GLIS3: variants seen among roughly 807,000 people sequenced by gnomAD.
The protein encoded by GLIS3 is GLIS family zinc finger 3, also known as zinc finger protein GLIS3.
In GLIS3, 53 loss-of-function variants were observed where a neutral mutation model predicts 78.6. The observed-to-expected ratio is 0.67, with a 90% CI of 0.54 to 0.85. The LOEUF (loss-of-function observed/expected upper bound fraction) is 0.85. Ranked by LOEUF, GLIS3 falls within the 40% of genes least tolerant of loss-of-function variation. GLIS3 has a pLI of 0.00. For synonymous variants in GLIS3, 684 were observed against 509.9 expected (o/e 1.34, Z -4.60); for missense variants, 1,703 against 1,231.1 (o/e 1.38, Z -5.74).
chr9:4,171,732 A>C (rs1441476611), intron 2 of GLIS3, among the ~76,000 whole-genome samples: 1 of 152,190 alleles, frequency 6.6e-6, no homozygotes, highest in Non-Finnish European at 1.5e-5. Flanking sequence ...GATATGGATT[A>C]AGCTTAGAAC....
chr9:4,358,802 G>GGT, the GLIS3 span, among the ~76,000 whole-genome samples: 1 of 152,220 alleles, frequency 6.6e-6, no homozygotes, highest in Non-Finnish European at 1.5e-5. Context: ...TATATGGTAA[G>GGT]CAGATGAGGT....
intron 4 of GLIS3, among the ~76,000 whole-genome samples, chr9:4,028,023 C>T (rs994263038): frequency 2.0e-5 from 3 of 152,178 alleles, no homozygotes; most frequent in South Asian, 2.1e-4. Context: ...ACCAGCGCAA[C>T]CCGGATCCAC....
chr9:3,938,682 T>A lies in GLIS3; in HGVS notation c.1711-1493A>T, dbSNP rs1334992866. On this transcript the variant is annotated intron_variant, in intron 4 of 10. Coordinates refer to ENST00000381971, the MANE Select transcript of GLIS3 (RefSeq NM_001042413.2). ...CAGACATATGTTGGTTTATTTCAAT[T>A]TTGATATTTTGCTTAAAATAATTTT... Among the ~76,000 whole-genome samples the A allele has an allele frequency of 9.2e-5, 14 of 152,210 alleles. No individual in the cohort carries two copies. In the South Asian group the frequency reaches 2.9e-3, roughly 32 times the overall value.
intron 4 of GLIS3, among the ~76,000 whole-genome samples, chr9:4,041,536 T>G (rs1277076720): frequency 6.6e-6 from 1 of 152,236 alleles, no homozygotes; most frequent in Non-Finnish European, 1.5e-5. Context: ...TTAGTGTGTG[T>G]GTGTCTCTGT....
intron 2 of GLIS3, among the ~76,000 whole-genome samples, chr9:4,135,488 T>C (rs377434562): frequency 1.1e-4 from 17 of 152,300 alleles, no homozygotes; most frequent in African/African-American, 4.1e-4. Flanking sequence ...CATCGAACTA[T>C]GACTGTTTTG....
intron 2 of GLIS3, among the ~76,000 whole-genome samples, chr9:4,277,108 C>T (rs1025550405): frequency 6.6e-6 from 1 of 152,170 alleles, no homozygotes; most frequent in African/African-American, 2.4e-5. Context: ...TTGCGGGACC[C>T]CAATCTCCAC....
intron 8 of GLIS3, among the ~76,000 whole-genome samples, chr9:3,859,125 C>A (rs968310339): frequency 2.0e-5 from 3 of 152,132 alleles, no homozygotes; most frequent in Non-Finnish European, 2.9e-5. Flanking sequence ...TAATGGACAA[C>A]TCTTCTCTCA....
chr9:4,141,520 C>T (rs570878123), intron 2 of GLIS3, among the ~76,000 whole-genome samples: 1 of 152,272 alleles, frequency 6.6e-6, no homozygotes, highest in South Asian at 2.1e-4. Context: ...CTACAAACAC[C>T]CTGGGATTCT....
chr9:3,941,815 C>T (rs192371029), intron 4 of GLIS3, among the ~76,000 whole-genome samples: 2 of 152,074 alleles, frequency 1.3e-5, no homozygotes, highest in African/African-American at 4.8e-5. Flanking sequence ...TATTGCAAAC[C>T]TAAAGAATCT....
intron 4 of GLIS3, among the ~76,000 whole-genome samples, chr9:4,002,295 C>G (rs537094522): frequency 3.9e-5 from 6 of 152,144 alleles, no homozygotes; most frequent in Non-Finnish European, 7.4e-5. Context: ...CCAGAAGGAA[C>G]CTTCTGACTT....
chr9:4,432,644 T>A, the GLIS3 span, among the ~76,000 whole-genome samples: 2 of 148,486 alleles, frequency 1.3e-5, no homozygotes, highest in African/African-American at 5.0e-5. Context: ...TTTCCTTTTT[T>A]TTTTTTTTTT....
the GLIS3 span, among the ~76,000 whole-genome samples, chr9:4,390,573 T>C: frequency 1.3e-5 from 2 of 152,258 alleles, no homozygotes; most frequent in Middle Eastern, 3.4e-3. Flanking sequence ...GTTTATACGC[T>C]TATACCCATG....
rs76826460 is a variant in GLIS3 at position 4,025,316 on chromosome 9, G to C, written c.1711-88127C>G. Among the ~76,000 whole-genome samples, 1,274 of 152,262 alleles carry C rather than the reference G, an allele frequency of 8.4e-3. 16 individuals carry two copies. The highest frequency in any genetic ancestry group is 0.029 in the African/African-American group (1,188 of 41,558). Reference sequence around the variant, plus strand: ...TGCTGAAATAAAGGATGAGCAAATGGATGGACGGAAAAATAAAGCCTCTAG... The same window carrying C: ...TGCTGAAATAAAGGATGAGCAAATGCATGGACGGAAAAATAAAGCCTCTAG... On this transcript the variant is annotated intron_variant, in intron 4 of 10. Transcript: ENST00000381971.
chr9:4,387,670 G>C, the GLIS3 span, among the ~76,000 whole-genome samples: 1 of 152,170 alleles, frequency 6.6e-6, no homozygotes, highest in East Asian at 1.9e-4. Flanking sequence ...AATGAGCTAG[G>C]TAGTTCACTC....
intron 4 of GLIS3, chr9:4,308,713 C>G (rs1461743937): frequency 6.6e-6 from 1 of 152,260 alleles, no homozygotes; most frequent in Non-Finnish European, 1.5e-5. Context: ...TCCTAGGAGA[C>G]TTTAATGGGC....
At chr9:4,386,846 A>C in the GLIS3 span, among the ~76,000 whole-genome samples, 3 of 152,266 alleles carry the variant, frequency 2.0e-5, no homozygotes, top group South Asian at 6.2e-4. Flanking sequence ...TCATCTCCCC[A>C]CTGAGAGATG....
At chr9:4,143,716 A>G (rs559695091) in intron 2 of GLIS3, among the ~76,000 whole-genome samples, 2 of 152,170 alleles carry the variant, frequency 1.3e-5, no homozygotes, top group Admixed American at 1.3e-4. Context: ...TCTTTGACCA[A>G]TATCTCCCAT....
the GLIS3 span, among the ~76,000 whole-genome samples, chr9:4,468,017 T>G: frequency 1.3e-5 from 2 of 152,142 alleles, no homozygotes; most frequent in Middle Eastern, 6.8e-3. Flanking sequence ...GTCGATTCAA[T>G]CAAGTGGAAG....
intron 2 of GLIS3, among the ~76,000 whole-genome samples, chr9:4,314,986 CATA>C (rs1817416958): frequency 6.6e-6 from 1 of 152,214 alleles, no homozygotes; most frequent in African/African-American, 2.4e-5. Context: ...TTGCCAAGAC[CATA>C]GCTTGTGAAG....
Sources: gnomAD v4.1 joint callset for allele counts (sites outside exome capture counted in the v4.1 genomes callset) on GRCh38, gnomAD v4.1.1 for gene constraint, MANE v1.5 for transcripts, NCBI Gene and HGNC (gene_info 2026-07-23, HGNC 2026-07-21) for gene names.